The following TM4SF18 variants were observed in gnomAD, a reference collection of about 807,000 sequenced individuals.
The protein encoded by TM4SF18 is transmembrane 4 L six family member 18.
TM4SF18 carries 22 observed loss-of-function variants against 23.8 expected under a neutral mutation model. The observed-to-expected ratio is 0.92, with a 90% CI of 0.66 to 1.32. The LOEUF is 1.32. Ranked by LOEUF, TM4SF18 falls within the 40% of genes most tolerant of loss-of-function variation. TM4SF18 has a pLI of 0.00. For synonymous variants in TM4SF18, 87 were observed against 87.9 expected, an observed-to-expected ratio of 0.99 and a Z score of 0.06; for missense variants, 255 against 240.3, an observed-to-expected ratio of 1.06 and a Z score of -0.41.
intron 2 of TM4SF18, among the ~76,000 whole-genome samples, chr3:149,332,641 G>C (rs533953215): frequency 6.6e-6 from 1 of 152,062 alleles, no homozygotes; most frequent in South Asian, 2.1e-4. Flanking sequence ...CTCTCTCCTG[G>C]GCACTTTATA....
intron 3 of TM4SF18, among the ~76,000 whole-genome samples, chr3:149,325,717 G>A (rs1289649035): frequency 1.3e-5 from 2 of 152,176 alleles, no homozygotes; most frequent in African/African-American, 4.8e-5. Flanking sequence ...CAGCCCTTGA[G>A]TAGCTTAAAA....
chr3:149,321,439 A>G lies in TM4SF18; in HGVS notation c.*39T>C, dbSNP rs1459498137. The G allele has an allele frequency of 1.4e-6, 2 of 1,470,308 alleles. No individual in the cohort carries two copies. The highest frequency in any genetic ancestry group is 1.9e-6 in the Non-Finnish European group (2 of 1,071,852). 91.1% of individuals were successfully genotyped at this position (1,470,308 alleles called of 1,614,324 possible). On this transcript the variant is annotated 3_prime_UTR_variant, in exon 6 of 6. Transcript: ENST00000296059. ...CACAGTTGATATAATATTTAGATAG[A>G]TGGCCATGTCTTGATAATGGAAAAC...
Position 149,333,206 on chromosome 3 carries a change from C to T in TM4SF18, c.177G>A (p.Met59Ile). 2 of 1,608,942 alleles carry T rather than the reference C, an allele frequency of 1.2e-6. No individual in the cohort carries two copies. The highest frequency in any genetic ancestry group is 1.7e-6 in the Non-Finnish European group (2 of 1,177,424). The part of the protein sequence containing the change: ...YFEGICFSGI[M>I]MLIVTTVLLV... ...CCCAAGTCTCCAAATTCATACTTACCATGATGCCTGAGAAACAGATTCCTT... is the reference window on the plus strand; with the variant it reads ...CCCAAGTCTCCAAATTCATACTTACTATGATGCCTGAGAAACAGATTCCTT... The change falls in exon 2 of 6, where the codon ATG becomes ATA. Residue 59 changes from methionine to isoleucine, a missense_variant and splice_region_variant. Met to Ile is a conservative substitution (Grantham distance 10). Transcript: ENST00000296059.
At chr3:149,326,249 G>C (rs574172723) in intron 3 of TM4SF18, among the ~76,000 whole-genome samples, 1 of 152,222 alleles carries the variant, frequency 6.6e-6, no homozygotes, top group Admixed American at 6.5e-5. Context: ...GTGTTAAACT[G>C]TTTTTAAGAA....
chr3:149,324,416 C>T (rs1730885829), intron 4 of TM4SF18, among the ~76,000 whole-genome samples: 1 of 152,126 alleles, frequency 6.6e-6, no homozygotes, highest in Non-Finnish European at 1.5e-5. Flanking sequence ...CTTTATCATC[C>T]CTCCTACTAT....
intron 2 of TM4SF18, among the ~76,000 whole-genome samples, chr3:149,330,765 G>A (rs1731070500): frequency 6.6e-6 from 1 of 152,174 alleles, no homozygotes; most frequent in African/African-American, 2.4e-5. Flanking sequence ...AGCAAAACCT[G>A]CCTTTCTCAA....
chr3:149,328,975 G>T (rs1283539238), intron 3 of TM4SF18, among the ~76,000 whole-genome samples: 2 of 152,030 alleles, frequency 1.3e-5, no homozygotes, highest in Non-Finnish European at 2.9e-5. Flanking sequence ...AGTGAGTTAA[G>T]GCAAATTGAA....
intron 3 of TM4SF18, among the ~76,000 whole-genome samples, chr3:149,326,704 TATTTTCTGGACTCACAGATCTTCTAATTC>T (rs1730955927): frequency 1.3e-5 from 2 of 152,242 alleles, no homozygotes; most frequent in African/African-American, 4.8e-5. Flanking sequence ...CCTCTGTCTA[TATTTTCTGGACTCACAGATCTTCTAATTC>T]ATTGTGCTAT....
In TM4SF18 at chr3:149,329,156, T is replaced by TCACACA. The variant is rs33985529; in HGVS notation, c.267+1168_267+1173dup. Reference sequence around the variant, plus strand: ...ACTGGAGGATGACTGAGTCAACTGGTCACACACACACACACACACACACAC... The same window carrying TCACACA: ...ACTGGAGGATGACTGAGTCAACTGGTCACACACACACACACACACACACACACACAC... On this transcript the variant is annotated intron_variant, in intron 3 of 5. Coordinates refer to ENST00000296059, the MANE Select transcript of TM4SF18 (RefSeq NM_138786.4). 7.3e-3 allele frequency among the ~76,000 whole-genome samples: 1,032 copies of TCACACA among 142,208 alleles called. 7 individuals carry two copies. The highest frequency in any genetic ancestry group is 0.015 in the African/African-American group (592 of 38,822). The allele number at this position is 142,208 out of a possible 152,430, so 93.3% of individuals were successfully genotyped here.
rs1037545071 is a variant in TM4SF18 at position 149,319,621 on chromosome 3, C to T, written c.*1857G>A. 6.6e-6 allele frequency: 1 copy of T among 152,172 alleles called. No individual in the cohort carries two copies. Among genetic ancestry groups the T allele is most frequent in the African/African-American group, 2.4e-5 (1 of 41,420 alleles). The allele number at this position is 152,172 out of a possible 1,614,324, so 9.4% of individuals were successfully genotyped here. ...CAAAGAAGAAAGACTATCTAGGAATCCAAGAACAGAAACCAGGCCTAGGGT... is the reference window on the plus strand; with the variant it reads ...CAAAGAAGAAAGACTATCTAGGAATTCAAGAACAGAAACCAGGCCTAGGGT... On this transcript the variant is annotated 3_prime_UTR_variant, in exon 6 of 6. Transcript: ENST00000296059.
chr3:149,322,597 A>T (rs1296126920), intron 4 of TM4SF18, among the ~76,000 whole-genome samples, 161 bp from the exon 5 acceptor site: 2 of 152,230 alleles, frequency 1.3e-5, no homozygotes, highest in Admixed American at 1.3e-4. Flanking sequence ...GACATATCTT[A>T]TGCATAGCAC....
In TM4SF18 at chr3:149,320,352, C is replaced by T. The variant is rs758416464; in HGVS notation, c.*1126G>A. On this transcript the variant is annotated 3_prime_UTR_variant, in exon 6 of 6. Coordinates refer to ENST00000296059, the MANE Select transcript of TM4SF18 (RefSeq NM_138786.4). ...ATATATAAGATGTGGCTACTGTCCC[C>T]GAGGAAGACATGGCATGTATAGGTG... The T allele has an allele frequency of 1.3e-5, 2 of 152,130 alleles. No individual in the cohort carries two copies. 9.4% of individuals were successfully genotyped at this position (152,130 alleles called of 1,614,324 possible).
At chr3:149,325,085 A>T (rs1730909988) in intron 3 of TM4SF18, 63 bp from the exon 4 acceptor site, 1 of 1,527,242 alleles carries the variant, frequency 6.5e-7, no homozygotes, top group Admixed American at 1.8e-5. Flanking sequence ...TTGTGGATAA[A>T]TTATCAGATA....
At position 149,321,238 on chromosome 3, in the gene TM4SF18, A is replaced by G; in HGVS notation, c.*240T>C. The G allele has an allele frequency of 2.7e-6, 1 of 365,802 alleles. No individual in the cohort carries two copies. Among genetic ancestry groups the G allele is most frequent in the Non-Finnish European group, 5.1e-6 (1 of 196,738 alleles). The allele number at this position is 365,802 out of a possible 1,614,324, so 22.7% of individuals were successfully genotyped here. The stretch of plus-strand genomic sequence containing the variant: ...ACTTCCCTAGTACAGATTCTTGGAA[A>G]TGGATTTGTTTGATCAAAGGGCAGA... On this transcript the variant is annotated 3_prime_UTR_variant, in exon 6 of 6. Transcript: ENST00000296059.
Position 149,324,945 on chromosome 3 carries a change from A to G in TM4SF18, c.345T>C (p.Leu115=), listed in dbSNP as rs1350083803. Residue 115 remains leucine, a synonymous_variant, in exon 4 of 6, where the codon CTT becomes CTC. Transcript: ENST00000296059. ...GGGTGCGGCAATATGGCCCTTGGACAAGACCCAAGGCAGAGATGACCAGGC... is the reference window on the plus strand; with the variant it reads ...GGGTGCGGCAATATGGCCCTTGGACGAGACCCAAGGCAGAGATGACCAGGC... The part of the protein sequence containing the change: ...GYCLVISALG[L]VQGPYCRTLD... 4.3e-6 allele frequency: 7 copies of G among 1,614,104 alleles called. No homozygotes were observed. The East Asian group carries it at 8.9e-5, about 21-fold the overall frequency.
At chr3:149,325,345 A>G (rs1401628614) in intron 3 of TM4SF18, among the ~76,000 whole-genome samples, 1 of 152,138 alleles carries the variant, frequency 6.6e-6, no homozygotes, top group African/African-American at 2.4e-5. Context: ...TCAACCCATA[A>G]CTATCTATTG....
Position 149,326,282 on chromosome 3 carries a change from T to C in TM4SF18, c.268-1260A>G, listed in dbSNP as rs542849683. On this transcript the variant is annotated intron_variant, in intron 3 of 5. Coordinates refer to ENST00000296059, the MANE Select transcript of TM4SF18 (RefSeq NM_138786.4). ...GAATCCCTGACAGTTGTCTTGTAGA[T>C]GTCTCACATTCTGGGCTTTTCTGAT... Among the ~76,000 whole-genome samples, 4 of 152,338 alleles carry C rather than the reference T, an allele frequency of 2.6e-5. No individual in the cohort carries two copies. The South Asian group carries it at 8.3e-4, about 32-fold the overall frequency.
intron 3 of TM4SF18, among the ~76,000 whole-genome samples, chr3:149,328,208 C>T (rs1363907475): frequency 6.6e-6 from 1 of 152,146 alleles, no homozygotes; most frequent in East Asian, 1.9e-4. Context: ...CTTCTGGAGG[C>T]TGGAAAGTCC....
At chr3:149,332,706 C>T (rs1367168076) in intron 2 of TM4SF18, among the ~76,000 whole-genome samples, 1 of 152,138 alleles carries the variant, frequency 6.6e-6, no homozygotes, top group Admixed American at 6.6e-5. Flanking sequence ...CATTAGAACA[C>T]TGAGGCTCAA....
Sources: gnomAD v4.1 joint callset for allele counts (sites outside exome capture counted in the v4.1 genomes callset) on GRCh38, gnomAD v4.1.1 for gene constraint, MANE v1.5 for transcripts, NCBI Gene and HGNC (gene_info 2026-07-23, HGNC 2026-07-21) for gene names.